NDST3: variants seen among roughly 807,000 people sequenced by gnomAD.
NDST3 encodes the protein bifunctional heparan sulfate N-deacetylase/N-sulfotransferase 3.
NDST3 carries 58 observed loss-of-function variants against 96.1 expected under a neutral mutation model. The observed-to-expected ratio is 0.60, with a 90% CI of 0.49 to 0.75. The LOEUF is 0.75. NDST3 is among the 30% of genes least tolerant of loss of function. NDST3 has a pLI of 0.00. For missense variants in NDST3, 788 were observed against 1,034.2 expected, an observed-to-expected ratio of 0.76 and a Z score of 3.27; for synonymous variants, 333 against 359.7, an observed-to-expected ratio of 0.93 and a Z score of 0.84.
chr4:118,187,609 T>A (rs1033420667), intron 6 of NDST3, among the ~76,000 whole-genome samples: 1 of 152,158 alleles, frequency 6.6e-6, no homozygotes, highest in Non-Finnish European at 1.5e-5. Context: ...AATAAAAGTA[T>A]ACCCCAAGAG....
chr4:118,098,753 A>T (rs576496588), intron 2 of NDST3, among the ~76,000 whole-genome samples: 1 of 152,092 alleles, frequency 6.6e-6, no homozygotes, highest in South Asian at 2.1e-4. Context: ...AAAATTCACT[A>T]ATGTCATTTA....
intron 6 of NDST3, among the ~76,000 whole-genome samples, chr4:118,161,696 C>A (rs1413383300): frequency 6.6e-6 from 1 of 152,182 alleles, no homozygotes; most frequent in African/African-American, 2.4e-5. Context: ...ATATAATCTC[C>A]TGGTGTGCCG....
At chr4:118,074,359 T>C (rs934993196) in intron 2 of NDST3, among the ~76,000 whole-genome samples, 1 of 152,090 alleles carries the variant, frequency 6.6e-6, no homozygotes, top group South Asian at 2.1e-4. Flanking sequence ...AAGTCTCCCA[T>C]TATTACTATG....
At chr4:118,059,296 C>G (rs1725708294) in intron 2 of NDST3, among the ~76,000 whole-genome samples, 2 of 152,084 alleles carry the variant, frequency 1.3e-5, no homozygotes, top group Non-Finnish European at 2.9e-5. Context: ...TCACTATTTT[C>G]TTACATTTCA....
chr4:118,193,530 G>T, intron 6 of NDST3: 1 of 978,212 alleles, frequency 1.0e-6, no homozygotes, highest in Non-Finnish European at 1.6e-6. Flanking sequence ...TCCTCAGCCA[G>T]CCTCTCAAAC....
intron 13 of NDST3, among the ~76,000 whole-genome samples, chr4:118,254,386 C>A (rs1174911822): frequency 6.6e-6 from 1 of 151,832 alleles, no homozygotes; most frequent in Non-Finnish European, 1.5e-5. Context: ...ATGAAAGAAG[C>A]AATGTATTTC....
intron 12 of NDST3, among the ~76,000 whole-genome samples, chr4:118,245,609 T>G (rs1741265521): frequency 6.6e-6 from 1 of 152,204 alleles, no homozygotes; most frequent in Non-Finnish European, 1.5e-5. Flanking sequence ...AAAACTTTCT[T>G]ATTAGCAAAT....
chr4:118,183,283 G>A (rs966402593), intron 6 of NDST3, among the ~76,000 whole-genome samples: 2 of 152,094 alleles, frequency 1.3e-5, no homozygotes, highest in African/African-American at 4.8e-5. Context: ...CCCCACATTG[G>A]GCACCAGAAC....
intron 2 of NDST3, among the ~76,000 whole-genome samples, chr4:118,075,092 C>T (rs1578586746): frequency 1.3e-5 from 2 of 151,944 alleles, no homozygotes; most frequent in African/African-American, 4.8e-5. Context: ...TGATGTTCCC[C>T]GCCCTGTGTC....
intron 1 of NDST3, among the ~76,000 whole-genome samples, chr4:118,052,996 C>T (rs1010355377): frequency 5.9e-5 from 9 of 151,886 alleles, no homozygotes; most frequent in East Asian, 1.9e-4. Flanking sequence ...CCTCAAAAAG[C>T]GGAAATAGAA....
intron 11 of NDST3, among the ~76,000 whole-genome samples, chr4:118,241,731 G>A (rs1741019699): frequency 6.6e-6 from 1 of 152,094 alleles, no homozygotes; most frequent in Non-Finnish European, 1.5e-5. Context: ...TCACTGCTTT[G>A]TCTGTTTTGA....
chr4:118,143,836 T>C (rs1278083675), intron 6 of NDST3, 152 bp downstream of exon 6: 15 of 775,236 alleles, frequency 1.9e-5, no homozygotes, highest in Non-Finnish European at 1.9e-5. Context: ...GAACCACATC[T>C]AGAAATGGGA....
chr4:118,233,339 A>C (rs920430704), intron 9 of NDST3, among the ~76,000 whole-genome samples: 1 of 152,216 alleles, frequency 6.6e-6, no homozygotes, highest in African/African-American at 2.4e-5. Flanking sequence ...TGTTATACCA[A>C]GAGGATCACA....
chr4:118,191,060 C>T (rs1737269867), intron 6 of NDST3, among the ~76,000 whole-genome samples: 1 of 152,130 alleles, frequency 6.6e-6, no homozygotes, highest in Admixed American at 6.5e-5. Context: ...TTCCAATTAC[C>T]TATTTTGTCA....
intron 6 of NDST3, among the ~76,000 whole-genome samples, chr4:118,180,381 T>C (rs1736534435): frequency 6.6e-6 from 1 of 152,180 alleles, no homozygotes; most frequent in Non-Finnish European, 1.5e-5. Flanking sequence ...CCTGCATTAA[T>C]TCACGTAGGA....
intron 2 of NDST3, among the ~76,000 whole-genome samples, chr4:118,075,108 G>A (rs533345476): frequency 6.6e-6 from 1 of 151,728 alleles, no homozygotes; most frequent in East Asian, 1.9e-4. Context: ...GTGTCCAAGT[G>A]TTCTCATTGT....
intron 6 of NDST3, among the ~76,000 whole-genome samples, chr4:118,160,650 A>C (rs1008195000): frequency 1.3e-5 from 2 of 152,122 alleles, no homozygotes; most frequent in Non-Finnish European, 2.9e-5. Flanking sequence ...CCTTTCCTCC[A>C]GTTGATCGCA....
intron 7 of NDST3, among the ~76,000 whole-genome samples, chr4:118,225,943 C>T (rs1025773197): frequency 3.3e-5 from 5 of 151,884 alleles, no homozygotes; most frequent in African/African-American, 1.2e-4. Context: ...TTCAACCTTA[C>T]TTTTAAACTG....
chr4:118,113,513 T>C (rs2125863205), intron 3 of NDST3, among the ~76,000 whole-genome samples: 1 of 152,286 alleles, frequency 6.6e-6, no homozygotes, highest in South Asian at 2.1e-4. Flanking sequence ...TGAAATCTCA[T>C]AGTATGCCTT....
Sources: gnomAD v4.1 joint callset for allele counts (sites outside exome capture counted in the v4.1 genomes callset) on GRCh38, gnomAD v4.1.1 for gene constraint, MANE v1.5 for transcripts, NCBI Gene and HGNC (gene_info 2026-07-23, HGNC 2026-07-21) for gene names.